Variants in ASMTL observed in about 807,000 individuals in gnomAD.
The protein encoded by ASMTL is probable bifunctional dTTP/UTP pyrophosphatase/methyltransferase protein.
A neutral mutation model predicts 60.3 loss-of-function variants in ASMTL; 57 were observed. The ratio of observed to expected loss-of-function variants is 0.95; its 90% CI spans 0.76 to 1.18. ASMTL has a LOEUF of 1.18. ASMTL is among the 50% of genes most tolerant of loss of function. The probability of loss-of-function intolerance (pLI) is 0.00; values close to 1 mark genes in which losing one functional copy is unlikely to be tolerated. For synonymous variants in ASMTL, 419 were observed against 373.0 expected (o/e 1.12, Z -1.42); for missense variants, 981 against 852.6 (o/e 1.15, Z -1.88).
rs755969727 is a variant in ASMTL at position 1,420,129 on chromosome X, GTGTC to G, written c.1246-1019_1246-1016del. 2.3e-3 allele frequency among the ~76,000 whole-genome samples: 352 copies of G among 150,260 alleles called. 2 individuals carry two copies. The highest frequency in any genetic ancestry group is 6.9e-3 in the Middle Eastern group (2 of 288). ...GTCTCTGTCTCCCATCTCCCTCTAT[GTGTC>G]TGTCTGTCTCCATCTTTGTTTCTGT... is the stretch of plus-strand genomic sequence containing the variant. On this transcript the variant is annotated intron_variant, in intron 9 of 12. Coordinates refer to ENST00000381317, the MANE Select transcript of ASMTL (RefSeq NM_004192.4).
At chrX:1,416,751 A>C (rs1416433632) in intron 11 of ASMTL, among the ~76,000 whole-genome samples, 1 of 129,128 alleles carries the variant, frequency 7.7e-6, no homozygotes, top group African/African-American at 2.9e-5. Context: ...TCAGTCATGC[A>C]CACACAGACA....
chrX:1,429,745 C>G (rs185663422), intron 6 of ASMTL, among the ~76,000 whole-genome samples: 2 of 151,828 alleles, frequency 1.3e-5, no homozygotes, highest in Non-Finnish European at 2.9e-5. Context: ...TGCAGTGAGC[C>G]AAGATCGCGC....
In ASMTL at chrX:1,418,910, G is replaced by A. The variant is rs112326045; in HGVS notation, c.1378+72C>T. ...CAATGGAAAAAGGCAGTTGGTAGGT[G>A]TCCTGAGCAGGGAAGATACCTGTGG... On this transcript the variant is annotated intron_variant, in intron 10 of 12. Coordinates refer to ENST00000381317, the MANE Select transcript of ASMTL (RefSeq NM_004192.4). The A allele has an allele frequency of 1.3e-3, 2,143 of 1,589,470 alleles. 32 individuals carry two copies. The African/African-American group carries it at 0.025, about 19-fold the overall frequency.
intron 9 of ASMTL, 73 bp from the exon 10 acceptor site, chrX:1,419,187 C>T (rs1305529242): frequency 2.6e-5 from 41 of 1,566,396 alleles, no homozygotes; most frequent in Middle Eastern, 2.3e-4. Flanking sequence ...CCCTGGGGGT[C>T]GGGGGGAGAA....
intron 1 of ASMTL, among the ~76,000 whole-genome samples, chrX:1,442,946 C>T (rs781320616): frequency 3.9e-4 from 59 of 152,134 alleles, no homozygotes; most frequent in African/African-American, 1.3e-3. Flanking sequence ...CAGGGAACTC[C>T]GCATCTCCCC....
intron 7 of ASMTL, among the ~76,000 whole-genome samples, chrX:1,426,121 C>G (rs1430929244): frequency 2.0e-5 from 3 of 152,054 alleles, no homozygotes; most frequent in Non-Finnish European, 4.4e-5. Context: ...CACAGACACA[C>G]ACACAGGGAC....
intron 9 of ASMTL, among the ~76,000 whole-genome samples, chrX:1,420,671 G>A (rs1288282642): frequency 2.6e-5 from 4 of 152,224 alleles, no homozygotes; most frequent in African/African-American, 7.2e-5. Flanking sequence ...GGCGGGGAAA[G>A]GGGAAGGAGG....
At chrX:1,434,037 G>A (rs1308509581) in intron 5 of ASMTL, among the ~76,000 whole-genome samples, 3 of 152,172 alleles carry the variant, frequency 2.0e-5, no homozygotes, top group Admixed American at 6.5e-5. Flanking sequence ...CATGGGACCC[G>A]GCCCTTCACC....
At chrX:1,452,404 C>T (rs1440502030) in intron 1 of ASMTL, among the ~76,000 whole-genome samples, 3 of 149,290 alleles carry the variant, frequency 2.0e-5, no homozygotes, top group Non-Finnish European at 3.0e-5. Flanking sequence ...GCTCCGGGGT[C>T]ACTCTGCTGT....
chrX:1,430,110 G>A (rs1171993025), intron 6 of ASMTL, among the ~76,000 whole-genome samples: 5 of 151,928 alleles, frequency 3.3e-5, no homozygotes, highest in African/African-American at 1.2e-4. Context: ...CACCTGCTGG[G>A]TTCAAGCGAT....
chrX:1,421,676 C>A lies in ASMTL; in HGVS notation c.1227G>T (p.Lys409Asn). ...TNQHHRALGK[K>N]AEDLFQDAYY... ...ATGCTACCTGGAACAGATCTTCCGC[C>A]TTCTTCCCCAACGCCCTGTGGTGCT... Residue 409 changes from lysine to asparagine, a missense_variant, in exon 9 of 13, where the codon AAG (lysine) becomes AAT (asparagine). Coordinates refer to ENST00000381317, the MANE Select transcript of ASMTL (RefSeq NM_004192.4). 6.2e-7 allele frequency: 1 copy of A among 1,613,926 alleles called. No homozygotes were observed. The highest frequency in any genetic ancestry group is 8.5e-7 in the Non-Finnish European group (1 of 1,179,840).
intron 12 of ASMTL, among the ~76,000 whole-genome samples, chrX:1,405,890 G>A (rs776454667): frequency 6.6e-6 from 1 of 151,832 alleles, no homozygotes; most frequent in Non-Finnish European, 1.5e-5. Context: ...TGAGATGGAT[G>A]GGTGAATAGA....
chrX:1,406,868 AGATG>A (rs200386014), intron 12 of ASMTL, among the ~76,000 whole-genome samples: 2,621 of 148,686 alleles, frequency 0.018, 85 homozygotes, highest in African/African-American at 0.063. Context: ...TGCATGGAAC[AGATG>A]GATGGATGGG....
intron 4 of ASMTL, 58 bp from the exon 5 acceptor site, chrX:1,435,141 G>A (rs1289103071): frequency 3.8e-6 from 6 of 1,590,622 alleles, no homozygotes; most frequent in Non-Finnish European, 5.2e-6. Context: ...GAGCTACAAA[G>A]CGAGTTTCTC....
At position 1,421,737 on chromosome X, in the gene ASMTL, G is replaced by A; in HGVS notation, c.1166C>T (p.Thr389Ile). ...CTCTCGGATGGCAAACTCCAGGTAT[G>A]TAAAGAGGTTCCATGTGAGGTCATT... is the stretch of plus-strand genomic sequence containing the variant. ...HNNDLTWNLF[T>I]YLEFAIREGT... is the part of the protein sequence containing the mutation. The change falls in exon 9 of 13, where the codon ACA becomes ATA. Residue 389 changes from threonine to isoleucine, a missense_variant. Thr to Ile is a moderately conservative substitution (Grantham distance 89). Coordinates refer to ENST00000381317, the MANE Select transcript of ASMTL (RefSeq NM_004192.4). 4 of 1,613,946 alleles carry A rather than the reference G, an allele frequency of 2.5e-6. No individual in the cohort carries two copies. Among genetic ancestry groups the A allele is most frequent in the Non-Finnish European group, 2.5e-6 (3 of 1,179,856 alleles).
At chrX:1,413,108 A>G (rs2090099358) in intron 11 of ASMTL, 2 of 503,800 alleles carry the variant, frequency 4.0e-6, no homozygotes, top group South Asian at 5.5e-5. Flanking sequence ...CACACCTGTA[A>G]TCTCAGCATT....
intron 8 of ASMTL, among the ~76,000 whole-genome samples, chrX:1,423,146 G>A (rs1257821877): frequency 2.6e-5 from 4 of 152,106 alleles, no homozygotes; most frequent in African/African-American, 9.7e-5. Context: ...TAGAGACGGG[G>A]TTTCACCGTG....
At chrX:1,425,446 G>A in intron 8 of ASMTL, 79 bp downstream of exon 8, 5 of 1,527,162 alleles carry the variant, frequency 3.3e-6, no homozygotes, top group Non-Finnish European at 4.5e-6. Context: ...TCCTCGCTCT[G>A]CCCAGGCTCC....
intron 5 of ASMTL, among the ~76,000 whole-genome samples, chrX:1,432,815 C>T (rs1277571245): frequency 5.9e-5 from 9 of 152,324 alleles, no homozygotes; most frequent in East Asian, 1.9e-4. Context: ...GGCCACAGAG[C>T]GAGACTCCGT....
Sources: allele counts gnomAD v4.1 joint callset (sites outside exome capture counted in the v4.1 genomes callset), GRCh38; gene constraint gnomAD v4.1.1; transcripts MANE v1.5; gene names NCBI Gene and HGNC (gene_info 2026-07-23, HGNC 2026-07-21).